The following MYO9A variants were observed in gnomAD, a reference collection of about 807,000 sequenced individuals.
The protein encoded by MYO9A is unconventional myosin-IXa.
Under a neutral mutation model 293.3 loss-of-function variants are expected in MYO9A, and 103 were observed. That is an observed-to-expected ratio of 0.35 (90% CI 0.30 to 0.41). The LOEUF (loss-of-function observed/expected upper bound fraction) is 0.41. Ranked by LOEUF, MYO9A falls within the 10% of genes least tolerant of loss-of-function variation. MYO9A has a pLI of 1.00. For synonymous variants in MYO9A, 1,001 were observed against 1,035.7 expected (o/e 0.97, Z 0.64); for missense variants, 2,685 against 3,033.0 (o/e 0.89, Z 2.69).
rs1158283119 is a variant in MYO9A, at chr15:71,903,914, C to T, written c.2877+15G>A. 1.9e-6 allele frequency: 3 copies of T among 1,601,820 alleles called. No homozygotes were observed. Among genetic ancestry groups the T allele is most frequent in the Non-Finnish European group, 2.6e-6 (3 of 1,169,886 alleles). ...GATGTGTCTAAATATGTAAATATCA[C>T]TATAAAAACAGAACCTGGAAAGAAT... On this transcript the variant is annotated intron_variant, in intron 21 of 41. Coordinates refer to ENST00000356056, the MANE Select transcript of MYO9A (RefSeq NM_006901.4).
chr15:72,020,655 A>C (rs2077477039), intron 5 of MYO9A, among the ~76,000 whole-genome samples: 2 of 152,216 alleles, frequency 1.3e-5, no homozygotes, highest in African/African-American at 4.8e-5. Flanking sequence ...CAGTAGAAAT[A>C]TCAATAAACA....
intron 15 of MYO9A, among the ~76,000 whole-genome samples, chr15:71,950,767 C>T (rs2059030798): frequency 6.6e-6 from 1 of 152,200 alleles, no homozygotes; most frequent in Admixed American, 6.5e-5. Flanking sequence ...ATATTCTCCT[C>T]TCACTGACAA....
At chr15:71,939,977 T>TC (rs2058735340) in intron 15 of MYO9A, among the ~76,000 whole-genome samples, 1 of 152,230 alleles carries the variant, frequency 6.6e-6, no homozygotes, top group Non-Finnish European at 1.5e-5. Flanking sequence ...ATGCCTGTAA[T>TC]CCCAGCACTT....
At chr15:71,994,389 T>G in intron 10 of MYO9A, 80 bp downstream of exon 10, 1 of 815,900 alleles carries the variant, frequency 1.2e-6, no homozygotes, top group Non-Finnish European at 1.9e-6. Flanking sequence ...TATAATTCTG[T>G]GTTTTTAAAT....
At chr15:71,903,867 G>T in intron 21 of MYO9A, 62 bp downstream of exon 21, 1 of 1,357,992 alleles carries the variant, frequency 7.4e-7, no homozygotes, top group Non-Finnish European at 1.0e-6. Flanking sequence ...TAATAAGCAA[G>T]ATATGTGGGA....
chr15:71,848,275 A>G (rs1353567052), intron 39 of MYO9A, among the ~76,000 whole-genome samples: 1 of 151,772 alleles, frequency 6.6e-6, no homozygotes, highest in African/African-American at 2.4e-5. Flanking sequence ...GCAAAGGAAG[A>G]TATTAAAAAG....
chr15:71,980,381 G>C (rs28368570), intron 11 of MYO9A, among the ~76,000 whole-genome samples: 1 of 152,008 alleles, frequency 6.6e-6, no homozygotes, highest in African/African-American at 2.4e-5. Context: ...TCCAATACTC[G>C]TATTGTCTGT....
At chr15:71,881,384 C>T (rs1255727432) in intron 28 of MYO9A, among the ~76,000 whole-genome samples, 1 of 151,896 alleles carries the variant, frequency 6.6e-6, no homozygotes, top group Non-Finnish European at 1.5e-5. Context: ...TGATTCTATC[C>T]AAACTAACTT....
intron 30 of MYO9A, 39 bp downstream of exon 30, chr15:71,879,682 G>A (rs747081777): frequency 1.4e-6 from 2 of 1,448,084 alleles, no homozygotes; most frequent in Admixed American, 1.7e-5. Flanking sequence ...TTTTTCATAT[G>A]TTGAACTACT....
At chr15:71,850,870 C>A (rs2055616565) in intron 37 of MYO9A, among the ~76,000 whole-genome samples, 1 of 144,700 alleles carries the variant, frequency 6.9e-6, no homozygotes, top group Non-Finnish European at 1.5e-5. Context: ...GATATTTACA[C>A]ACAGGGGAAG....
At chr15:72,012,635 T>C (rs979287790) in intron 6 of MYO9A, among the ~76,000 whole-genome samples, 2 of 152,168 alleles carry the variant, frequency 1.3e-5, no homozygotes, top group African/African-American at 2.4e-5. Context: ...CTTTTACCTA[T>C]AGTAAGTAAC....
At chr15:71,874,461 G>A (rs751630754) in intron 32 of MYO9A, among the ~76,000 whole-genome samples, 1 of 152,120 alleles carries the variant, frequency 6.6e-6, no homozygotes, top group Admixed American at 6.6e-5. Context: ...AGCTTAGAGA[G>A]GCAGTCACGC....
intron 5 of MYO9A, among the ~76,000 whole-genome samples, chr15:72,019,861 T>C (rs1170291347): frequency 3.9e-5 from 6 of 152,140 alleles, no homozygotes; most frequent in African/African-American, 1.4e-4. Context: ...GCGATTCTCG[T>C]GCCTCGGCCT....
chr15:71,927,508 A>T (rs1373142434), intron 18 of MYO9A, among the ~76,000 whole-genome samples: 1 of 152,140 alleles, frequency 6.6e-6, no homozygotes, highest in Non-Finnish European at 1.5e-5. Flanking sequence ...TTGGTTCCAG[A>T]ACCACGCTGA....
In MYO9A at chr15:72,118,058, G is replaced by T. The variant is rs1039524781; in HGVS notation, c.-450C>A. The T allele has an allele frequency of 5.1e-6, 2 of 395,966 alleles. No individual in the cohort carries two copies. The highest frequency in any genetic ancestry group is 8.9e-6 in the Non-Finnish European group (2 of 224,316). 24.5% of individuals were successfully genotyped at this position (395,966 alleles called of 1,614,324 possible). ...AACAGACACAGCCAACCGCCGCCGC[G>T]TCCCTTATCCGCTTCGGTCGCGCGC... On this transcript the variant is annotated 5_prime_UTR_variant, in exon 1 of 42. Transcript: ENST00000356056.
chr15:71,838,502 T>C (rs1166899967), intron 39 of MYO9A, among the ~76,000 whole-genome samples: 1 of 152,208 alleles, frequency 6.6e-6, no homozygotes, highest in Middle Eastern at 3.2e-3. Context: ...TATAAAGCCA[T>C]ATTGTCATCC....
intron 1 of MYO9A, among the ~76,000 whole-genome samples, chr15:72,103,186 A>G (rs1240072894): frequency 6.7e-6 from 1 of 150,304 alleles, no homozygotes; most frequent in Non-Finnish European, 1.5e-5. Flanking sequence ...GCAGAGTAAG[A>G]CTAAGTCTCA....
chr15:72,093,831 G>A (rs1404390031), intron 1 of MYO9A, among the ~76,000 whole-genome samples: 1 of 90,112 alleles, frequency 1.1e-5, no homozygotes, highest in African/African-American at 2.6e-5. Context: ...AGGTTGCAGT[G>A]AGCCGAGACT....
intron 1 of MYO9A, among the ~76,000 whole-genome samples, chr15:72,086,365 G>C (rs902004729): frequency 1.1e-4 from 17 of 152,186 alleles, no homozygotes; most frequent in African/African-American, 4.1e-4. Context: ...CTCAGGGAGG[G>C]GGAGGGTTCA....
Sources: gnomAD v4.1 joint callset for allele counts (sites outside exome capture counted in the v4.1 genomes callset) on GRCh38, gnomAD v4.1.1 for gene constraint, MANE v1.5 for transcripts, NCBI Gene and HGNC (gene_info 2026-07-23, HGNC 2026-07-21) for gene names.